Variants in RNF10 observed in about 807,000 individuals in gnomAD.
RNF10 encodes E3 ubiquitin-protein ligase RNF10.
RNF10 carries 38 observed loss-of-function variants against 91.4 expected under a neutral mutation model. The observed-to-expected ratio is 0.42, with a 90% CI of 0.32 to 0.54. RNF10 has a LOEUF of 0.54. Among genes scored for constraint, RNF10 ranks in the 20% least tolerant of loss-of-function variants. The pLI is 0.16. For missense variants in RNF10, 945 were observed against 1,012.0 expected (o/e 0.93, Z 0.90); for synonymous variants, 364 against 366.3 (o/e 0.99, Z 0.07).
chr12:120,551,784 C>G (rs934729123), intron 2 of RNF10, among the ~76,000 whole-genome samples: 2 of 152,046 alleles, frequency 1.3e-5, no homozygotes, highest in Non-Finnish European at 2.9e-5. Context: ...TGTGCATTAC[C>G]GTTGCCTAGC....
Position 120,575,683 on chromosome 12 carries a change from A to AG in RNF10, c.2196dup (p.Lys733GlufsTer3). 1 of 1,614,206 alleles carries AG rather than the reference A, an allele frequency of 6.2e-7. No individual in the cohort carries two copies. ...GATGTGTGGCCCAAAACTGCTCCAA[A>AG]GAAAGGTGAGGATGGTCCACTGGTG... is the stretch of plus-strand genomic sequence containing the variant. On this transcript the variant is annotated frameshift_variant, in exon 15 of 17. Transcript: ENST00000325954. LOFTEE classifies it high-confidence loss of function.
intron 13 of RNF10, among the ~76,000 whole-genome samples, chr12:120,568,695 C>T (rs113724341): frequency 0.05 from 7,649 of 151,868 alleles, 657 homozygotes; most frequent in African/African-American, 0.17. Context: ...AGGCTGGTCT[C>T]GAACTCCTGG....
At chr12:120,552,920 T>C (rs375665129) in intron 3 of RNF10, among the ~76,000 whole-genome samples, 1 of 152,060 alleles carries the variant, frequency 6.6e-6, no homozygotes, top group South Asian at 2.1e-4. Flanking sequence ...CTTAGTATCA[T>C]GATAAGGTAG....
intron 1 of RNF10, among the ~76,000 whole-genome samples, chr12:120,536,943 A>G (rs1003871491): frequency 3.9e-5 from 6 of 152,220 alleles, no homozygotes; most frequent in Non-Finnish European, 8.8e-5. Flanking sequence ...TTTTACTGCT[A>G]TGTCCTTCAC....
chr12:120,546,441 G>A lies in RNF10; in HGVS notation c.194G>A (p.Arg65His), dbSNP rs111483466. ...KNSSGSKRYN[R>H]KRELSYPKNE... is the part of the protein sequence containing the mutation. ...TCCAGTGGATCCAAGCGTTATAATC[G>A]CAAACGTGAACTTTCCTACCCCAAA... Residue 65 changes from arginine to histidine, a missense_variant, in exon 2 of 17, where the codon CGC (arginine) becomes CAC (histidine). Coordinates refer to ENST00000325954, the MANE Select transcript of RNF10 (RefSeq NM_014868.5). 1.6e-5 allele frequency: 26 copies of A among 1,613,548 alleles called. No individual in the cohort carries two copies. The highest frequency in any genetic ancestry group is 6.7e-5 in the Admixed American group (4 of 59,856).
At chr12:120,569,839 A>G (rs935592965) in intron 13 of RNF10, among the ~76,000 whole-genome samples, 6 of 149,654 alleles carry the variant, frequency 4.0e-5, no homozygotes, top group Admixed American at 2.7e-4. Context: ...TGCCCAGCCT[A>G]TCTGTGATAC....
At chr12:120,543,895 TGCAGTGTGCTATGATG>T (rs2137142838) in intron 1 of RNF10, among the ~76,000 whole-genome samples, 1 of 152,222 alleles carries the variant, frequency 6.6e-6, no homozygotes, top group Admixed American at 6.5e-5. Context: ...AGGTTGAGGC[TGCAGTGTGCTATGATG>T]GCACCACTGC....
At position 120,565,466 on chromosome 12, in the gene RNF10, G is replaced by C. The variant is rs750311424; in HGVS notation, c.1822G>C (p.Ala608Pro). 1 of 1,614,072 alleles carries C rather than the reference G, an allele frequency of 6.2e-7. No individual in the cohort carries two copies. The highest frequency in any genetic ancestry group is 8.5e-7 in the Non-Finnish European group (1 of 1,179,994). ...GAGGAAACGTCAGCGCCAAAAGAAG[G>C]CTCGGGAGGAACGCCGCCGAGAGCG... ...EKRKRQRQKKAREERRRERRI... is the reference protein window; with the variant it reads ...EKRKRQRQKKPREERRRERRI... The change falls in exon 12 of 17, where the codon GCT (alanine) becomes CCT (proline). Residue 608 changes from alanine to proline, a missense_variant. Physicochemically the swap from Ala to Pro is conservative, Grantham distance 27 (BLOSUM62 -1). Coordinates refer to ENST00000325954, the MANE Select transcript of RNF10 (RefSeq NM_014868.5).
intron 14 of RNF10, 46 bp downstream of exon 14, chr12:120,571,337 C>T: frequency 7.6e-7 from 1 of 1,320,104 alleles, no homozygotes; most frequent in East Asian, 2.3e-5. Context: ...TTAACATGAA[C>T]TCTGCTGCTC....
In RNF10 at chr12:120,541,583, C is replaced by T. The variant is rs1005654632; in HGVS notation, c.158-4822C>T. Among the ~76,000 whole-genome samples, 8 of 151,860 alleles carry T rather than the reference C, an allele frequency of 5.3e-5. No individual in the cohort carries two copies. In the East Asian group the frequency reaches 1.2e-3, roughly 22 times the overall value. On this transcript the variant is annotated intron_variant, in intron 1 of 16. Transcript: ENST00000325954. ...CCGAGCAGCTGGGACTACAGGCGCC[C>T]GCCACCAAGCCTGGCTAATTTTTTG...
intron 10 of RNF10, among the ~76,000 whole-genome samples, chr12:120,564,369 C>A (rs1875360260): frequency 6.6e-6 from 1 of 152,116 alleles, no homozygotes; most frequent in South Asian, 2.1e-4. Context: ...GATGTGGTAG[C>A]TCACACCTGT....
At chr12:120,535,103 T>G in intron 1 of RNF10, 135 bp downstream of exon 1, 1 of 985,638 alleles carries the variant, frequency 1.0e-6, no homozygotes, top group Non-Finnish European at 1.4e-6. Flanking sequence ...TTTCCATGGC[T>G]CTCATTTGCA....
rs1481135807 is a variant in RNF10, at chr12:120,557,263, T to C, written c.646-19T>C. ...TCAGTTCTTCAAGCAGTGAACCTTCTGGTGGCATTTTGTTTCAGCGCATTT... is the reference window on the plus strand; with the variant it reads ...TCAGTTCTTCAAGCAGTGAACCTTCCGGTGGCATTTTGTTTCAGCGCATTT... On this transcript the variant is annotated intron_variant, in intron 4 of 16. Coordinates refer to ENST00000325954, the MANE Select transcript of RNF10 (RefSeq NM_014868.5). 1 of 1,612,230 alleles carries C rather than the reference T, an allele frequency of 6.2e-7. No homozygotes were observed. The highest frequency in any genetic ancestry group is 8.5e-7 in the Non-Finnish European group (1 of 1,178,740).
At chr12:120,551,218 T>C (rs975463052) in intron 2 of RNF10, among the ~76,000 whole-genome samples, 2 of 149,852 alleles carry the variant, frequency 1.3e-5, no homozygotes, top group Non-Finnish European at 3.0e-5. Flanking sequence ...ACTCCTGGCC[T>C]CAAATGATCC....
intron 8 of RNF10, 109 bp downstream of exon 8, chr12:120,563,179 G>C: frequency 6.6e-7 from 1 of 1,519,116 alleles, no homozygotes; most frequent in Non-Finnish European, 9.1e-7. Context: ...GGGACAATGA[G>C]TATTTTCTGT....
intron 13 of RNF10, 105 bp from the exon 14 acceptor site, chr12:120,571,086 A>T: frequency 1.0e-5 from 6 of 589,670 alleles, no homozygotes; most frequent in East Asian, 3.1e-5. Flanking sequence ...TTTTGAGGGG[A>T]TGATTTGTAA....
At chr12:120,536,869 T>C (rs1045485868) in intron 1 of RNF10, among the ~76,000 whole-genome samples, 1 of 152,232 alleles carries the variant, frequency 6.6e-6, no homozygotes, top group South Asian at 2.1e-4. Context: ...TAAGTTTATT[T>C]CTTAGCAGTA....
chr12:120,548,784 G>A (rs557050468), intron 2 of RNF10, among the ~76,000 whole-genome samples: 3 of 150,786 alleles, frequency 2.0e-5, no homozygotes, highest in African/African-American at 4.9e-5. Flanking sequence ...TCAGTCTCCC[G>A]AGTAGCTGGG....
At position 120,557,485 on chromosome 12, in the gene RNF10, C is replaced by T. The variant is rs1874215099; in HGVS notation, c.830+19C>T. The T allele has an allele frequency of 5.0e-6, 8 of 1,613,562 alleles. No homozygotes were observed. The highest frequency in any genetic ancestry group is 6.8e-6 in the Non-Finnish European group (8 of 1,179,486). ...TCAAGAGGTGAGATTGAGACATTTA[C>T]TCAGTTAGATCCCAATCTCTTCACT... is the stretch of plus-strand genomic sequence containing the variant. On this transcript the variant is annotated intron_variant, in intron 5 of 16. Transcript: ENST00000325954.
Sources: gnomAD v4.1 joint callset for allele counts (sites outside exome capture counted in the v4.1 genomes callset) on GRCh38, gnomAD v4.1.1 for gene constraint, MANE v1.5 for transcripts, NCBI Gene and HGNC (gene_info 2026-07-23, HGNC 2026-07-21) for gene names.